The following SOCS5 variants were observed in gnomAD, a reference collection of about 807,000 sequenced individuals.
SOCS5 encodes CIS-6.
Under a neutral mutation model 42.8 loss-of-function variants are expected in SOCS5, and 32 were observed. That is an observed-to-expected ratio of 0.75 (90% CI 0.56 to 1.01). The LOEUF (loss-of-function observed/expected upper bound fraction) is 1.01, where lower values mean the gene tolerates loss of function less well. SOCS5 is among the 50% of genes least tolerant of loss of function. The pLI is 0.00. For missense variants in SOCS5, 627 were observed against 653.0 expected, an observed-to-expected ratio of 0.96 and a Z score of 0.43; for synonymous variants, 283 against 229.6, an observed-to-expected ratio of 1.23 and a Z score of -2.10.
intron 1 of SOCS5, among the ~76,000 whole-genome samples, chr2:46,710,432 G>T (rs1194386170): frequency 6.6e-6 from 1 of 152,062 alleles, no homozygotes; most frequent in Non-Finnish European, 1.5e-5. Context: ...GGTGTGAGCC[G>T]CAGTGCCTGG....
chr2:46,709,858 C>G (rs768106576), intron 1 of SOCS5, among the ~76,000 whole-genome samples: 3 of 152,186 alleles, frequency 2.0e-5, no homozygotes, highest in African/African-American at 4.8e-5. Flanking sequence ...AATTTACATA[C>G]TATTTTAAAA....
At chr2:46,703,047 T>C (rs1672379507) in intron 1 of SOCS5, among the ~76,000 whole-genome samples, 1 of 152,270 alleles carries the variant, frequency 6.6e-6, no homozygotes, top group East Asian at 1.9e-4. Flanking sequence ...AGCTCTATTT[T>C]AATGAGTATG....
Position 46,702,831 on chromosome 2 carries a change from T to G in SOCS5, c.-13+3382T>G, listed in dbSNP as rs41488646. Among the ~76,000 whole-genome samples, 792 of 152,350 alleles carry G rather than the reference T, an allele frequency of 5.2e-3. 2 individuals carry two copies. Among genetic ancestry groups the G allele is most frequent in the Non-Finnish European group, 8.5e-3 (578 of 68,024 alleles). ...GTTTGAGTTATAAGTTATCTCAGAA[T>G]CCTTCTTAATGGTGTATCACTTAAA... On this transcript the variant is annotated intron_variant, in intron 1 of 1. Coordinates refer to ENST00000394861, the MANE Select transcript of SOCS5 (RefSeq NM_144949.3).
At chr2:46,726,472 T>A (rs1031707651) in intron 1 of SOCS5, among the ~76,000 whole-genome samples, 1 of 152,188 alleles carries the variant, frequency 6.6e-6, no homozygotes, top group Non-Finnish European at 1.5e-5. Flanking sequence ...CTAACTTTGT[T>A]AAAGTTTTCA....
chr2:46,711,597 C>T (rs12999586), intron 1 of SOCS5, among the ~76,000 whole-genome samples: 42,715 of 152,060 alleles, frequency 0.28, 6,822 homozygotes, highest in Non-Finnish European at 0.36. Flanking sequence ...TGGCATCTTT[C>T]GATGAACAAA....
At position 46,758,885 on chromosome 2, in the gene SOCS5, C is replaced by G. The variant is rs1257702534; in HGVS notation, c.355C>G (p.Pro119Ala). 2 of 1,613,882 alleles carry G rather than the reference C, an allele frequency of 1.2e-6. No individual in the cohort carries two copies. Among genetic ancestry groups the G allele is most frequent in the African/African-American group, 2.7e-5 (2 of 74,914 alleles). The change falls in exon 2 of 2, where the codon CCA (proline) becomes GCA (alanine). Residue 119 changes from proline to alanine, a missense_variant. Pro to Ala is a conservative substitution (Grantham distance 27, BLOSUM62 -1). Around this residue, in one of 3 missense-constraint regions of SOCS5, gnomAD observed 278 missense variants for 246.3 expected, o/e 1.13. Coordinates refer to ENST00000394861, the MANE Select transcript of SOCS5 (RefSeq NM_144949.3). ...AAGAGATTCCTACTCTCGACATGCT[C>G]CATGGGGTGGGAAGAAAAAACATTC... Reference protein sequence around the residue: ...ARRDSYSRHAPWGGKKKHSCS... With the variant: ...ARRDSYSRHAAWGGKKKHSCS...
intron 1 of SOCS5, among the ~76,000 whole-genome samples, chr2:46,758,250 A>G (rs1434516554): frequency 2.6e-5 from 4 of 152,194 alleles, no homozygotes; most frequent in African/African-American, 9.7e-5. Flanking sequence ...AAGAGCGTTT[A>G]TTTTCTTTCA....
intron 1 of SOCS5, among the ~76,000 whole-genome samples, chr2:46,724,215 C>A (rs1318060860): frequency 1.3e-5 from 2 of 149,746 alleles, no homozygotes; most frequent in African/African-American, 4.9e-5. Flanking sequence ...TTATTTCTTT[C>A]TAATTTGTCT....
intron 1 of SOCS5, among the ~76,000 whole-genome samples, chr2:46,727,036 A>T (rs1673009680): frequency 1.3e-5 from 2 of 151,970 alleles, no homozygotes; most frequent in Non-Finnish European, 2.9e-5. Context: ...GATTACAGGC[A>T]TGAGCCATTG....
intron 1 of SOCS5, among the ~76,000 whole-genome samples, chr2:46,723,205 G>A (rs1043894013): frequency 2.0e-5 from 3 of 151,858 alleles, no homozygotes; most frequent in Non-Finnish European, 4.4e-5. Context: ...TGGTACTTTC[G>A]GTGTCATGTC....
chr2:46,721,237 C>G (rs539287505), intron 1 of SOCS5, among the ~76,000 whole-genome samples: 27 of 152,070 alleles, frequency 1.8e-4, no homozygotes, highest in Admixed American at 3.9e-4. Flanking sequence ...AGATGTTATT[C>G]CCTAACTGTA....
At position 46,759,653 on chromosome 2, in the gene SOCS5, C is replaced by A; in HGVS notation, c.1123C>A (p.Gln375Lys). The A allele has an allele frequency of 6.2e-7, 1 of 1,614,086 alleles. No individual in the cohort carries two copies. The highest frequency in any genetic ancestry group is 8.5e-7 in the Non-Finnish European group (1 of 1,179,976). ...ACACTGCCTCGTGCCTGATTTGCTTCAAATTACAGGGAATCCCTGTTACTG... is the reference window on the plus strand; with the variant it reads ...ACACTGCCTCGTGCCTGATTTGCTTAAAATTACAGGGAATCCCTGTTACTG... The part of the protein sequence containing the change: ...YIHCLVPDLL[Q>K]ITGNPCYWGV... Residue 375 changes from glutamine to lysine, a missense_variant, in exon 2 of 2, where the codon CAA becomes AAA. By Grantham distance (53) the Gln-to-Lys change is moderately conservative. Coordinates refer to ENST00000394861, the MANE Select transcript of SOCS5 (RefSeq NM_144949.3).
At position 46,759,697 on chromosome 2, in the gene SOCS5, T is replaced by G; in HGVS notation, c.1167T>G (p.Tyr389Ter). Residue 389 changes from tyrosine to a stop codon, truncating the protein, a stop_gained, in exon 2 of 2, where the codon TAT becomes TAG. Coordinates refer to ENST00000394861, the MANE Select transcript of SOCS5 (RefSeq NM_144949.3). LOFTEE classifies it high-confidence loss of function. ...NPCYWGVMDR[Y>*]EAEALLEGKP... is the part of the protein sequence containing the mutation. Reference sequence around the variant, plus strand: ...GTTACTGGGGAGTGATGGACCGTTATGAAGCAGAAGCCCTTCTCGAAGGGA... The same window carrying G: ...GTTACTGGGGAGTGATGGACCGTTAGGAAGCAGAAGCCCTTCTCGAAGGGA... 6.2e-7 allele frequency: 1 copy of G among 1,614,152 alleles called. No individual in the cohort carries two copies. Among genetic ancestry groups the G allele is most frequent in the African/African-American group, 1.3e-5 (1 of 75,046 alleles).
chr2:46,739,596 C>G (rs1558408589), intron 1 of SOCS5, among the ~76,000 whole-genome samples: 1 of 152,060 alleles, frequency 6.6e-6, no homozygotes, highest in Non-Finnish European at 1.5e-5. Context: ...TGCCAGTGAA[C>G]CAGAAGCCTG....
upstream of SOCS5, chr2:46,699,091 C>T (rs1056563114): frequency 2.6e-5 from 4 of 152,480 alleles, no homozygotes; most frequent in African/African-American, 9.6e-5. The surrounding 1 kb of genome is among the most constrained non-coding windows in gnomAD (Gnocchi z 4.8). Flanking sequence ...CCCTCTAAAG[C>T]CCTGCCTGCT....
At chr2:46,723,432 C>T (rs1672924400) in intron 1 of SOCS5, among the ~76,000 whole-genome samples, 1 of 152,036 alleles carries the variant, frequency 6.6e-6, no homozygotes, top group Non-Finnish European at 1.5e-5. Flanking sequence ...AACATTAGAT[C>T]TGTGATCCAT....
rs778150240 is a variant in SOCS5, at chr2:46,759,931, T to C, written c.1401T>C (p.Phe467=). The C allele has an allele frequency of 2.5e-6, 4 of 1,614,152 alleles. No individual in the cohort carries two copies. The East Asian group carries it at 8.9e-5, about 36-fold the overall frequency. Residue 467 remains phenylalanine (F), a synonymous_variant, in exon 2 of 2, where the codon TTT becomes TTC. Transcript: ENST00000394861. ...EHYKDPSSCM[F]FEPLLTISLN... is the part of the protein sequence containing the mutation. ...ATAAAGATCCCAGTTCGTGCATGTT[T>C]TTTGAACCATTGCTTACTATATCAC... is the stretch of plus-strand genomic sequence containing the variant.
At chr2:46,755,898 C>G (rs1673721672) in intron 1 of SOCS5, among the ~76,000 whole-genome samples, 1 of 152,048 alleles carries the variant, frequency 6.6e-6, no homozygotes, top group Non-Finnish European at 1.5e-5. Flanking sequence ...TTTTTCCTTC[C>G]TAATATTAAA....
At chr2:46,722,286 T>G (rs185260873) in intron 1 of SOCS5, among the ~76,000 whole-genome samples, 5 of 151,684 alleles carry the variant, frequency 3.3e-5, no homozygotes, top group Non-Finnish European at 2.9e-5. Flanking sequence ...GATGCACACA[T>G]GCTCAAAGGA....
Sources: gnomAD v4.1 joint callset for allele counts (sites outside exome capture counted in the v4.1 genomes callset) on GRCh38, gnomAD v4.1.1 for gene constraint, gnomAD v4.1.1 regional missense constraint, Gnocchi (gnomAD v3.1) non-coding constraint, MANE v1.5 for transcripts, NCBI Gene and HGNC (gene_info 2026-07-23, HGNC 2026-07-21) for gene names.